Variants in ALDH8A1 observed in about 807,000 individuals in gnomAD.
The protein encoded by ALDH8A1 is aldehyde dehydrogenase 8 family member A1, also known as 2-aminomuconic semialdehyde dehydrogenase.
ALDH8A1 carries 39 observed loss-of-function variants against 43.3 expected under a neutral mutation model. The observed-to-expected ratio is 0.90, with a 90% CI of 0.70 to 1.18. ALDH8A1 has a LOEUF of 1.18. ALDH8A1 is among the 50% of genes most tolerant of loss of function. ALDH8A1 has a pLI of 0.00. For synonymous variants in ALDH8A1, 233 were observed against 243.5 expected (o/e 0.96, Z 0.40); for missense variants, 605 against 622.6 (o/e 0.97, Z 0.30).
chr6:134,933,666 A>G (rs554812163), intron 4 of ALDH8A1, among the ~76,000 whole-genome samples: 6 of 152,192 alleles, frequency 3.9e-5, no homozygotes, highest in Non-Finnish European at 8.8e-5. Flanking sequence ...GCTACCCTGT[A>G]TCTTCGTGCA....
chr6:134,934,111 T>C (rs907738252), intron 4 of ALDH8A1, among the ~76,000 whole-genome samples: 6 of 152,204 alleles, frequency 3.9e-5, no homozygotes, highest in Non-Finnish European at 8.8e-5. Flanking sequence ...TCTCCGTTGT[T>C]TACTCTGTGC....
chr6:134,935,381 G>A (rs542104212), intron 4 of ALDH8A1, among the ~76,000 whole-genome samples: 156 of 152,356 alleles, frequency 1.0e-3, no homozygotes, highest in African/African-American at 3.6e-3. Context: ...ATAACAATCA[G>A]TAAGCAGCAA....
intron 5 of ALDH8A1, among the ~76,000 whole-genome samples, chr6:134,930,209 T>C (rs1776959942): frequency 1.3e-5 from 2 of 152,054 alleles, no homozygotes; most frequent in Admixed American, 6.5e-5. Flanking sequence ...TGTTGTTCCC[T>C]GGAAGGGCAG....
chr6:134,928,484 G>A (rs1008448095), intron 6 of ALDH8A1, among the ~76,000 whole-genome samples: 1 of 152,166 alleles, frequency 6.6e-6, no homozygotes, highest in African/African-American at 2.4e-5. Context: ...GACTTATTTT[G>A]GGAGTCACAT....
chr6:134,919,440 A>G (rs1227837428), intron 6 of ALDH8A1, among the ~76,000 whole-genome samples: 1 of 152,202 alleles, frequency 6.6e-6, no homozygotes, highest in Non-Finnish European at 1.5e-5. Flanking sequence ...TAGTCTCATT[A>G]CTGAATATAC....
intron 6 of ALDH8A1, among the ~76,000 whole-genome samples, chr6:134,925,863 G>A (rs1397017355): frequency 1.3e-5 from 2 of 152,182 alleles, no homozygotes; most frequent in Non-Finnish European, 2.9e-5. Flanking sequence ...GGGAAGGAGA[G>A]AGCCATGCGT....
intron 3 of ALDH8A1, 116 bp from the exon 4 acceptor site, chr6:134,939,531 T>A: frequency 8.2e-7 from 1 of 1,217,482 alleles, no homozygotes; most frequent in South Asian, 1.6e-5. Flanking sequence ...AGCTTACTCT[T>A]CTAACTTCTT....
chr6:134,932,989 G>T lies in ALDH8A1; in HGVS notation c.636C>A (p.Pro212=). 1 of 1,608,320 alleles carries T rather than the reference G, an allele frequency of 6.2e-7. No homozygotes were observed. The part of the protein sequence containing the change: ...GVVNIVFGTG[P]RVGEALVSHP... ...GGGACACCAGGGCCTCACCCACCCT[G>T]GGCCCGGTTCCAAACACAATATTGA... The change falls in exon 5 of 7, where the codon CCC becomes CCA. Residue 212 remains proline, a synonymous_variant. Coordinates refer to ENST00000265605, the MANE Select transcript of ALDH8A1 (RefSeq NM_022568.4).
chr6:134,936,686 G>A lies in ALDH8A1; in HGVS notation c.592+2580C>T, dbSNP rs1411335354. 3.9e-5 allele frequency among the ~76,000 whole-genome samples: 6 copies of A among 152,138 alleles called. No homozygotes were observed. The South Asian group carries it at 6.2e-4, about 16-fold the overall frequency. ...AGTAAAATGCGCTCACTGCGGCAGCGGATTGCTTTCCCCACGACAGTATTA... is the reference window on the plus strand; with the variant it reads ...AGTAAAATGCGCTCACTGCGGCAGCAGATTGCTTTCCCCACGACAGTATTA... On this transcript the variant is annotated intron_variant, in intron 4 of 6. Transcript: ENST00000265605.
At chr6:134,921,875 G>A (rs755555724) in intron 6 of ALDH8A1, among the ~76,000 whole-genome samples, 3 of 152,202 alleles carry the variant, frequency 2.0e-5, no homozygotes, top group Non-Finnish European at 2.9e-5. Context: ...TTTGGCACAC[G>A]GAACTGAAGA....
chr6:134,943,957 C>T lies in ALDH8A1; in HGVS notation c.148G>A (p.Ala50Thr), dbSNP rs753799215. The T allele has an allele frequency of 3.9e-5, 63 of 1,613,812 alleles. No individual in the cohort carries two copies. The East Asian group carries it at 8.2e-4, about 21-fold the overall frequency. Residue 50 changes from alanine to threonine, a missense_variant, in exon 2 of 7, where the codon GCG (alanine) becomes ACG (threonine). Ala to Thr is a moderately conservative substitution (Grantham distance 58, BLOSUM62 0). Coordinates refer to ENST00000265605, the MANE Select transcript of ALDH8A1 (RefSeq NM_022568.4). ...AAGGCTTCTCTGGCGGCCTTGACCG[C>T]GGCTTCGATCTTTGAGGAGCAAATG... ...PNSGKDEIEA[A>T]VKAAREAFPS...
chr6:134,944,349 G>C, intron 1 of ALDH8A1: 1 of 169,918 alleles, frequency 5.9e-6, no homozygotes, highest in Admixed American at 5.8e-5. Context: ...GATTACAGGT[G>C]TGAGCCACTG....
intron 3 of ALDH8A1, among the ~76,000 whole-genome samples, chr6:134,941,751 G>C (rs1298675843): frequency 6.6e-6 from 1 of 151,776 alleles, no homozygotes; most frequent in African/African-American, 2.4e-5. Flanking sequence ...TCGAATTCCT[G>C]ACCTCAGATG....
chr6:134,946,785 C>CGTGCACAGGT (rs1562261606), intron 1 of ALDH8A1, among the ~76,000 whole-genome samples: 2 of 148,726 alleles, frequency 1.3e-5, no homozygotes, highest in East Asian at 1.9e-4. Context: ...TGTGTGCGCG[C>CGTGCACAGGT]GCGCACAGGT....
intron 6 of ALDH8A1, among the ~76,000 whole-genome samples, chr6:134,922,253 G>A (rs2114677210): frequency 6.6e-6 from 1 of 152,274 alleles, no homozygotes; most frequent in Admixed American, 6.5e-5. Context: ...AACAAAACAA[G>A]GCAAGCCACA....
intron 6 of ALDH8A1, among the ~76,000 whole-genome samples, chr6:134,923,715 C>A (rs1776841353): frequency 6.6e-6 from 1 of 152,066 alleles, no homozygotes; most frequent in South Asian, 2.1e-4. Flanking sequence ...TGGTTTAGAT[C>A]TATTAGAAAT....
intron 6 of ALDH8A1, among the ~76,000 whole-genome samples, chr6:134,922,301 A>G (rs1776816200): frequency 6.6e-6 from 1 of 152,236 alleles, no homozygotes; most frequent in Non-Finnish European, 1.5e-5. Context: ...GGTTATGGAA[A>G]TACCATCCTT....
At chr6:134,923,579 G>A (rs58581968) in intron 6 of ALDH8A1, among the ~76,000 whole-genome samples, 9,922 of 152,196 alleles carry the variant, frequency 0.065, 1,104 homozygotes, top group African/African-American at 0.23. Flanking sequence ...CAGATGCTTG[G>A]TTTTCAGGCA....
intron 6 of ALDH8A1, among the ~76,000 whole-genome samples, chr6:134,921,670 C>T (rs74528079): frequency 2.0e-5 from 3 of 152,320 alleles, no homozygotes; most frequent in East Asian, 1.9e-4. Flanking sequence ...AGAGGTAGGG[C>T]GGACACGAAA....
Sources: gnomAD v4.1 joint callset for allele counts (sites outside exome capture counted in the v4.1 genomes callset) on GRCh38, gnomAD v4.1.1 for gene constraint, MANE v1.5 for transcripts, NCBI Gene and HGNC (gene_info 2026-07-23, HGNC 2026-07-21) for gene names.